PI16: variants seen among roughly 807,000 people sequenced by gnomAD.
The protein encoded by PI16 is peptidase inhibitor 16.
In PI16, 35 loss-of-function variants were observed where a neutral mutation model predicts 38.0. The ratio of observed to expected loss-of-function variants is 0.92; its 90% CI spans 0.70 to 1.22. PI16 has a LOEUF of 1.22. PI16 is among the 50% of genes most tolerant of loss of function. The pLI, the probability that PI16 is intolerant of heterozygous loss-of-function variation, is 0.00. For missense variants in PI16, 572 were observed against 593.8 expected (o/e 0.96, Z 0.38); for synonymous variants, 275 against 252.9 (o/e 1.09, Z -0.83).
intron 1 of PI16, among the ~76,000 whole-genome samples, chr6:36,949,115 C>T (rs1397998175): frequency 2.0e-5 from 3 of 148,904 alleles, no homozygotes; most frequent in East Asian, 4.0e-4. Flanking sequence ...CTCCTCTCTT[C>T]TCTCTCTCTC....
At chr6:36,956,519 G>A (rs1763212027) in intron 1 of PI16, among the ~76,000 whole-genome samples, 3 of 152,172 alleles carry the variant, frequency 2.0e-5, no homozygotes, top group Admixed American at 2.0e-4. Context: ...AGGAGATGAG[G>A]CTGGGGCTGG....
At chr6:36,964,000 C>A in intron 6 of PI16, 38 bp downstream of exon 6, 1 of 1,568,912 alleles carries the variant, frequency 6.4e-7, no homozygotes, top group Middle Eastern at 1.7e-4. Flanking sequence ...CTCATACCCA[C>A]CTGGATTGTC....
At position 36,963,155 on chromosome 6, in the gene PI16, A is replaced by G. The variant is rs776082173; in HGVS notation, c.813A>G (p.Lys271=). The change falls in exon 5 of 7, where the codon AAA becomes AAG. Residue 271 remains lysine, a synonymous_variant. Transcript: ENST00000373674. ...AGGCCCCAACTTCCTTAGCAACGAA[A>G]GACCCGCCCTCCATGGCAACAGAGG... ...ETQAPTSLAT[K]DPPSMATEAP... is the part of the protein sequence containing the mutation. 3 of 1,614,204 alleles carry G rather than the reference A, an allele frequency of 1.9e-6. No individual in the cohort carries two copies. Among genetic ancestry groups the G allele is most frequent in the Non-Finnish European group, 2.5e-6 (3 of 1,180,028 alleles).
chr6:36,958,812 A>G (rs1038668096), intron 1 of PI16, among the ~76,000 whole-genome samples: 2 of 152,136 alleles, frequency 1.3e-5, no homozygotes, highest in South Asian at 4.1e-4. Flanking sequence ...AGGCAGGGGC[A>G]TGTATGGCCA....
chr6:36,958,748 C>A (rs946186771), intron 1 of PI16, among the ~76,000 whole-genome samples: 2 of 152,016 alleles, frequency 1.3e-5, no homozygotes, highest in South Asian at 4.2e-4. Flanking sequence ...CCCTCAACAT[C>A]GATCACACCG....
Position 36,954,800 on chromosome 6 carries a change from C to T in PI16, c.40C>T (p.Leu14=), listed in dbSNP as rs1233052929. 6.2e-7 allele frequency: 1 copy of T among 1,613,902 alleles called. No homozygotes were observed. Among genetic ancestry groups the T allele is most frequent in the Non-Finnish European group, 8.5e-7 (1 of 1,180,002 alleles). ...CAGTTTCCTGATGCTTCTGCTGCCG[C>T]TACTGCTACTGCTGGTGGCCACCAC... ...SCSFLMLLLP[L]LLLLVATTGP... The change falls in exon 1 of 7, where the codon CTA becomes TTA. Residue 14 remains leucine (L), a synonymous_variant. Transcript: ENST00000373674.
Position 36,962,110 on chromosome 6 carries a change from C to G in PI16, c.592+136C>G. 1.5e-6 allele frequency: 1 copy of G among 646,540 alleles called. No individual in the cohort carries two copies. The allele number at this position is 646,540 out of a possible 1,614,324, so 40.1% of individuals were successfully genotyped here. A position where few individuals can be genotyped will look rare whatever the true frequency, so the allele number is the denominator to read the frequency against. The stretch of plus-strand genomic sequence containing the variant: ...CTGGTGGGATGCGACCACCGGGGGC[C>G]CCTGGCGGCTCCCTTAGCCCCCCAC... On this transcript the variant is annotated intron_variant, in intron 4 of 6. Coordinates refer to ENST00000373674, the MANE Select transcript of PI16 (RefSeq NM_153370.3). The surrounding 1 kb of genome is among the most constrained non-coding windows in gnomAD (Gnocchi z 4.1).
chr6:36,963,519 A>G lies in PI16; in HGVS notation c.1177A>G (p.Thr393Ala). The G allele has an allele frequency of 1.2e-6, 2 of 1,614,056 alleles. No individual in the cohort carries two copies. Among genetic ancestry groups the G allele is most frequent in the South Asian group, 1.1e-5 (1 of 91,080 alleles). Residue 393 changes from threonine to alanine, a missense_variant, in exon 5 of 7, where the codon ACC (threonine) becomes GCC (alanine). Physicochemically the swap from Thr to Ala is moderately conservative, Grantham distance 58. Transcript: ENST00000373674. The stretch of plus-strand genomic sequence containing the variant: ...GGCCACACTGGACCACACGGGGCAC[A>G]CCTCCTCCAAGTCCCTGCCCAATTT... ...LQATLDHTGH[T>A]SSKSLPNFPN...
At chr6:36,952,296 C>T (rs1433387475), upstream of PI16, among the ~76,000 whole-genome samples, 4 of 152,148 alleles carry the variant, frequency 2.6e-5, no homozygotes, top group South Asian at 6.2e-4. Flanking sequence ...ACTCTGCCCC[C>T]GAAAGTTCTT....
At chr6:36,964,174 C>T (rs1182118350) in intron 6 of PI16, among the ~76,000 whole-genome samples, 1 of 152,220 alleles carries the variant, frequency 6.6e-6, no homozygotes, top group Admixed American at 6.5e-5. Flanking sequence ...TGCCTTGGCT[C>T]TGGGTAGGCC....
chr6:36,963,564 G>T lies in PI16; in HGVS notation c.1222G>T (p.Ala408Ser), dbSNP rs778812404. 3 of 1,614,182 alleles carry T rather than the reference G, an allele frequency of 1.9e-6. No individual in the cohort carries two copies. Among genetic ancestry groups the T allele is most frequent in the Middle Eastern group, 1.6e-4 (1 of 6,062 alleles). Residue 408 changes from alanine (A) to serine (S), a missense_variant, in exon 5 of 7, where the codon GCT (alanine) becomes TCT (serine). Ala to Ser is a moderately conservative substitution (Grantham distance 99). Transcript: ENST00000373674. ...CAATTTCCCCAATACCTCTGCCACC[G>T]CTAATGCCACGGGTGGGCGTGCCCT... ...LPNFPNTSAT[A>S]NATGGRALAL...
At chr6:36,963,706 A>T (rs1215476438) in intron 5 of PI16, 94 bp downstream of exon 5, 15 of 1,542,816 alleles carry the variant, frequency 9.7e-6, no homozygotes, top group Non-Finnish European at 1.3e-5. Flanking sequence ...TGGGGCATGC[A>T]CCCTCTGAGT....
intron 1 of PI16, among the ~76,000 whole-genome samples, chr6:36,948,665 CTT>C (rs1763052070): frequency 1.7e-4 from 1 of 5,822 alleles, no homozygotes; most frequent in Non-Finnish European, 3.3e-4. Context: ...TCCTTCCCTC[CTT>C]CCTCCCTCCC....
At chr6:36,953,369 T>C (rs1409782757), upstream of PI16, among the ~76,000 whole-genome samples, 1 of 152,124 alleles carries the variant, frequency 6.6e-6, no homozygotes, top group Non-Finnish European at 1.5e-5. Context: ...GTAAGAATTT[T>C]ATTCTTTTTA....
intron 2 of PI16, 40 bp downstream of exon 2, chr6:36,959,406 C>T (rs771230123): frequency 6.6e-7 from 1 of 1,516,002 alleles, no homozygotes; most frequent in Non-Finnish European, 8.8e-7. Context: ...AGCCTCGCGG[C>T]GTGGGGGTGG....
At position 36,963,018 on chromosome 6, in the gene PI16, G is replaced by A; in HGVS notation, c.676G>A (p.Asp226Asn). The change falls in exon 5 of 7, where the codon GAC becomes AAC. Residue 226 changes from aspartate (D) to asparagine (N), a missense_variant. Transcript: ENST00000373674. ...APSFRATEAS[D>N]SRKMGTPSSL... is the part of the protein sequence containing the mutation. ...ATCCTTCCGGGCGACTGAAGCATCAGACTCTAGGAAAATGGGTACTCCTTC... is the reference window on the plus strand; with the variant it reads ...ATCCTTCCGGGCGACTGAAGCATCAAACTCTAGGAAAATGGGTACTCCTTC... The A allele has an allele frequency of 6.2e-7, 1 of 1,614,210 alleles. No homozygotes were observed. Among genetic ancestry groups the A allele is most frequent in the East Asian group, 2.2e-5 (1 of 44,876 alleles).
chr6:36,957,178 G>T (rs1261737416), intron 1 of PI16, among the ~76,000 whole-genome samples: 2 of 152,150 alleles, frequency 1.3e-5, no homozygotes, highest in Non-Finnish European at 2.9e-5. Flanking sequence ...GACTGAGAAG[G>T]TTCTGTGTGT....
At chr6:36,950,866 G>A (rs985381102), upstream of PI16, among the ~76,000 whole-genome samples, 19 of 152,020 alleles carry the variant, frequency 1.2e-4, no homozygotes, top group African/African-American at 4.1e-4. This position sits in a 1 kb window ranked among gnomAD's most constrained non-coding sequence, Gnocchi z 4.2. Context: ...TAACTCTTTC[G>A]CGTATATACC....
In PI16 at chr6:36,954,892, G is replaced by A. The variant is rs895391442; in HGVS notation, c.132G>A (p.Arg44=). ...TGGTGGAGCTGCACAACCTCTACCG[G>A]GCCCAGGTATCCCCGACGGCCTCAG... The part of the protein sequence containing the change: ...RLMVELHNLY[R]AQVSPTASDM... The change falls in exon 1 of 7, where the codon CGG becomes CGA. Residue 44 remains arginine (R), a synonymous_variant. Coordinates refer to ENST00000373674, the MANE Select transcript of PI16 (RefSeq NM_153370.3). 6.2e-7 allele frequency: 1 copy of A among 1,613,758 alleles called. No homozygotes were observed. The highest frequency in any genetic ancestry group is 8.5e-7 in the Non-Finnish European group (1 of 1,180,002).
Sources: allele counts gnomAD v4.1 joint callset (sites outside exome capture counted in the v4.1 genomes callset), GRCh38; gene constraint gnomAD v4.1.1; non-coding constraint Gnocchi (gnomAD v3.1); transcripts MANE v1.5; gene names NCBI Gene and HGNC (gene_info 2026-07-23, HGNC 2026-07-21).